PDE3A: variants seen among roughly 807,000 people sequenced by gnomAD.
The protein encoded by PDE3A is phosphodiesterase 3A, also known as cGMP-inhibited 3',5'-cyclic phosphodiesterase 3A.
Under a neutral mutation model 98.3 loss-of-function variants are expected in PDE3A, and 43 were observed. The observed-to-expected ratio is 0.44, with a 90% CI of 0.34 to 0.56. The LOEUF is 0.56. Among genes scored for constraint, PDE3A ranks in the 20% least tolerant of loss-of-function variants. PDE3A has a pLI of 0.01. For missense variants in PDE3A, 1,427 were observed against 1,440.7 expected (o/e 0.99, Z 0.15); for synonymous variants, 663 against 567.9 (o/e 1.17, Z -2.38).
At chr12:20,530,545 A>G (rs941964245) in intron 1 of PDE3A, among the ~76,000 whole-genome samples, 9 of 149,160 alleles carry the variant, frequency 6.0e-5, no homozygotes, top group African/African-American at 2.0e-4. Context: ...GCTGGACTCT[A>G]GCTCCTGAGC....
In PDE3A at chr12:20,464,582, C is replaced by T. The variant is rs559307625; in HGVS notation, c.961-92078C>T. On this transcript the variant is annotated intron_variant, in intron 1 of 15. Transcript: ENST00000359062. ...AAGATTTTCTTCTGGATGGCTATTA[C>T]GGTAAGATGTTTTACCGTGAGCTGA... Among the ~76,000 whole-genome samples the T allele has an allele frequency of 8.5e-5, 13 of 152,272 alleles. No individual in the cohort carries two copies. In the South Asian group the frequency reaches 1.2e-3, roughly 15 times the overall value.
intron 14 of PDE3A, among the ~76,000 whole-genome samples, chr12:20,652,926 ACAT>A (rs1408584460): frequency 6.6e-6 from 1 of 152,228 alleles, no homozygotes; most frequent in African/African-American, 2.4e-5. Flanking sequence ...TGTTTTTAAA[ACAT>A]CATGAAATCA....
At chr12:20,372,859 G>A (rs1943502440) in intron 1 of PDE3A, among the ~76,000 whole-genome samples, 1 of 152,082 alleles carries the variant, frequency 6.6e-6, no homozygotes, top group South Asian at 2.1e-4. Flanking sequence ...TTTGCACTTT[G>A]CTCATTGTGA....
chr12:20,458,053 G>T (rs1194822002), intron 1 of PDE3A, among the ~76,000 whole-genome samples: 3 of 151,824 alleles, frequency 2.0e-5, no homozygotes, highest in African/African-American at 7.3e-5. Context: ...CTTCATTTCA[G>T]AAATTTGAAT....
In PDE3A at chr12:20,497,323, GAA is replaced by G. The variant is rs1354886868; in HGVS notation, c.961-59336_961-59335del. Among the ~76,000 whole-genome samples the G allele has an allele frequency of 2.6e-5, 4 of 151,616 alleles. No homozygotes were observed. In the East Asian group the frequency reaches 7.7e-4, roughly 29 times the overall value. On this transcript the variant is annotated intron_variant, in intron 1 of 15. Coordinates refer to ENST00000359062, the MANE Select transcript of PDE3A (RefSeq NM_000921.5). ...TTATAATTTATTACAATTGTTATAT[GAA>G]GTCATATTTAAATTATAATAAATTA...
At chr12:20,667,650 A>G (rs575535597) in intron 15 of PDE3A, among the ~76,000 whole-genome samples, 17 of 152,314 alleles carry the variant, frequency 1.1e-4, no homozygotes, top group Non-Finnish European at 2.1e-4. Flanking sequence ...TACTAACACC[A>G]TGCTGTTTTG....
At chr12:20,379,427 G>C (rs1355205399) in intron 1 of PDE3A, among the ~76,000 whole-genome samples, 1 of 151,816 alleles carries the variant, frequency 6.6e-6, no homozygotes, top group East Asian at 1.9e-4. Flanking sequence ...AGAGCCTGCT[G>C]AACTGCTTAT....
intron 1 of PDE3A, among the ~76,000 whole-genome samples, chr12:20,467,931 CT>C (rs1456079616): frequency 9.8e-5 from 6 of 61,522 alleles, no homozygotes; most frequent in African/African-American, 4.1e-4. Flanking sequence ...GAGACTCCTT[CT>C]CAAAAAAAAA....
chr12:20,630,565 G>T (rs1259845591), intron 6 of PDE3A, among the ~76,000 whole-genome samples: 1 of 152,136 alleles, frequency 6.6e-6, no homozygotes. Context: ...TTTAAAATGT[G>T]TGAATAATAC....
At chr12:20,403,728 A>T (rs1233162039) in intron 1 of PDE3A, among the ~76,000 whole-genome samples, 3 of 152,148 alleles carry the variant, frequency 2.0e-5, no homozygotes, top group Non-Finnish European at 1.5e-5. Flanking sequence ...GCCTCCCCAA[A>T]ATTTTTATTT....
At chr12:20,604,828 A>T (rs1247574803) in intron 2 of PDE3A, among the ~76,000 whole-genome samples, 1 of 152,152 alleles carries the variant, frequency 6.6e-6, no homozygotes, top group East Asian at 1.9e-4. Context: ...TGTCCACTGA[A>T]GTGACTGGAG....
In PDE3A at chr12:20,682,451, C is replaced by T. The variant is rs193008430; in HGVS notation, c.*2180C>T. 1 of 152,112 alleles carries T rather than the reference C, an allele frequency of 6.6e-6. No individual in the cohort carries two copies. Among genetic ancestry groups the T allele is most frequent in the Admixed American group, 6.5e-5 (1 of 15,276 alleles). The allele number at this position is 152,112 out of a possible 1,614,324, so 9.4% of individuals were successfully genotyped here. A position where few individuals can be genotyped will look rare whatever the true frequency, so the allele number is the denominator to read the frequency against. On this transcript the variant is annotated 3_prime_UTR_variant, in exon 16 of 16. Coordinates refer to ENST00000359062, the MANE Select transcript of PDE3A (RefSeq NM_000921.5). ...ATTCATGGCATTTTAAAAAATAAGG[C>T]AAAGATAATACGACAAAAAATATAC...
At chr12:20,418,323 A>G (rs1007091676) in intron 1 of PDE3A, among the ~76,000 whole-genome samples, 3 of 152,274 alleles carry the variant, frequency 2.0e-5, no homozygotes, top group East Asian at 1.9e-4. Flanking sequence ...ATAGGTACTC[A>G]ATAAAGGAAG....
intron 1 of PDE3A, among the ~76,000 whole-genome samples, chr12:20,494,871 G>A (rs1362648123): frequency 3.7e-4 from 11 of 29,880 alleles, no homozygotes; most frequent in Non-Finnish European, 5.2e-4. Context: ...AAACAATTCC[G>A]CAAAAAAAAA....
chr12:20,369,274 C>T lies in PDE3A; in HGVS notation c.-11C>T. 2 of 1,484,298 alleles carry T rather than the reference C, an allele frequency of 1.3e-6. No individual in the cohort carries two copies. Among genetic ancestry groups the T allele is most frequent in the Non-Finnish European group, 1.8e-6 (2 of 1,112,232 alleles). 91.9% of individuals were successfully genotyped at this position (1,484,298 alleles called of 1,614,324 possible). A position where few individuals can be genotyped will look rare whatever the true frequency, so the allele number is the denominator to read the frequency against. ...GCCACTGGGAATTCAGTGAAGAGGG[C>T]ACCCTATACCATGGCAGTGCCCGGC... is the stretch of plus-strand genomic sequence containing the variant. On this transcript the variant is annotated 5_prime_UTR_variant, in exon 1 of 16. Coordinates refer to ENST00000359062, the MANE Select transcript of PDE3A (RefSeq NM_000921.5).
chr12:20,654,801 C>T (rs572137817), intron 15 of PDE3A, among the ~76,000 whole-genome samples: 7 of 151,840 alleles, frequency 4.6e-5, no homozygotes, highest in African/African-American at 7.3e-5. Context: ...CGTGAGCCAC[C>T]GCGCCCAGCT....
intron 1 of PDE3A, among the ~76,000 whole-genome samples, chr12:20,400,444 T>C (rs1944107935): frequency 7.2e-6 from 1 of 138,678 alleles, no homozygotes; most frequent in Admixed American, 7.7e-5. Context: ...TCTCGATCTG[T>C]CGCCCAGGCT....
In PDE3A at chr12:20,670,687, G is replaced by A. The variant is rs528557899; in HGVS notation, c.3185-9343G>A. ...CACAACATACCAGAATCTCTGGGAC[G>A]CATTCAAAGCAGTGTGTAGAGGGAA... On this transcript the variant is annotated intron_variant, in intron 15 of 15. Coordinates refer to ENST00000359062, the MANE Select transcript of PDE3A (RefSeq NM_000921.5). 3.0e-3 allele frequency among the ~76,000 whole-genome samples: 436 copies of A among 145,352 alleles called. 1 individual carries two copies. Among genetic ancestry groups the A allele is most frequent in the Non-Finnish European group, 5.1e-3 (345 of 67,164 alleles).
chr12:20,572,574 C>T lies in PDE3A; in HGVS notation c.1011+15864C>T, dbSNP rs1942824655. ...ACATTTATCTAAAGATTGACAATGT[C>T]CATCCTTCTGCATTTTTTCCTATTT... On this transcript the variant is annotated intron_variant, in intron 2 of 15. Transcript: ENST00000359062. Among the ~76,000 whole-genome samples, 3 of 151,912 alleles carry T rather than the reference C, an allele frequency of 2.0e-5. No individual in the cohort carries two copies. In the South Asian group the frequency reaches 6.2e-4, roughly 31 times the overall value.
Sources: gnomAD v4.1 joint callset for allele counts (sites outside exome capture counted in the v4.1 genomes callset) on GRCh38, gnomAD v4.1.1 for gene constraint, MANE v1.5 for transcripts, NCBI Gene and HGNC (gene_info 2026-07-23, HGNC 2026-07-21) for gene names.